The following PRKG2 variants were observed in gnomAD, a reference collection of about 807,000 sequenced individuals.
PRKG2 encodes the protein protein kinase cGMP-dependent 2.
In PRKG2, 33 loss-of-function variants were observed where a neutral mutation model predicts 97.2. The ratio of observed to expected loss-of-function variants is 0.34; its 90% CI spans 0.26 to 0.45. The LOEUF (loss-of-function observed/expected upper bound fraction) is 0.45, where lower values mean the gene tolerates loss of function less well. Ranked by LOEUF, PRKG2 falls within the 20% of genes least tolerant of loss-of-function variation. The pLI, the probability that PRKG2 is intolerant of heterozygous loss-of-function variation, is 1.00. For synonymous variants in PRKG2, 330 were observed against 321.8 expected (o/e 1.03, Z -0.27); for missense variants, 638 against 900.0 (o/e 0.71, Z 3.73).
chr4:81,124,603 G>C (rs994673885), intron 14 of PRKG2, among the ~76,000 whole-genome samples: 1 of 152,110 alleles, frequency 6.6e-6, no homozygotes, highest in African/African-American at 2.4e-5. Flanking sequence ...GGCCCACCTG[G>C]AGAAGAATTA....
intron 2 of PRKG2, among the ~76,000 whole-genome samples, chr4:81,178,869 G>A (rs1307281699): frequency 1.3e-5 from 2 of 152,188 alleles, no homozygotes; most frequent in East Asian, 1.9e-4. Context: ...CCTCACGCCT[G>A]TAATCTCAGT....
intron 15 of PRKG2, among the ~76,000 whole-genome samples, chr4:81,109,023 T>C (rs1218627140): frequency 6.6e-6 from 1 of 152,192 alleles, no homozygotes; most frequent in Non-Finnish European, 1.5e-5. Context: ...CTCTTACAAA[T>C]GCAGCTGACA....
chr4:81,153,932 G>A (rs1748688812), intron 6 of PRKG2, among the ~76,000 whole-genome samples: 1 of 152,172 alleles, frequency 6.6e-6, no homozygotes, highest in Non-Finnish European at 1.5e-5. Flanking sequence ...AGCCGAAGCA[G>A]GGCGAGGCAT....
At chr4:81,143,371 T>C (rs1747493789) in intron 10 of PRKG2, among the ~76,000 whole-genome samples, 1 of 152,214 alleles carries the variant, frequency 6.6e-6, no homozygotes, top group Non-Finnish European at 1.5e-5. Context: ...CTTTGCTGCA[T>C]GTACAGGAGA....
intron 17 of PRKG2, 58 bp from the exon 18 acceptor site, chr4:81,092,510 A>AAGGG: frequency 9.6e-7 from 1 of 1,046,988 alleles, no homozygotes; most frequent in Non-Finnish European, 1.4e-6. Flanking sequence ...GGAAGGAAGG[A>AAGGG]AGGGAGAAAG....
At chr4:81,158,242 C>T (rs2110068471) in intron 6 of PRKG2, among the ~76,000 whole-genome samples, 1 of 150,194 alleles carries the variant, frequency 6.7e-6, no homozygotes, top group Non-Finnish European at 1.5e-5. Flanking sequence ...TCTCAGGATA[C>T]AAAATCAATG....
At chr4:81,111,748 C>T (rs1347571543) in intron 14 of PRKG2, among the ~76,000 whole-genome samples, 5 of 152,128 alleles carry the variant, frequency 3.3e-5, no homozygotes, top group East Asian at 1.9e-4. Flanking sequence ...CTCATTGAAT[C>T]GAAGCAGTGT....
chr4:81,108,653 T>C (rs1743600868), intron 15 of PRKG2, among the ~76,000 whole-genome samples: 1 of 152,040 alleles, frequency 6.6e-6, no homozygotes, highest in Non-Finnish European at 1.5e-5. Flanking sequence ...TCAGCACTTT[T>C]GGAAGCTGAG....
At chr4:81,120,410 A>C (rs1042647387) in intron 14 of PRKG2, among the ~76,000 whole-genome samples, 1 of 152,214 alleles carries the variant, frequency 6.6e-6, no homozygotes, top group African/African-American at 2.4e-5. Context: ...TTTTCTTTGA[A>C]CAATACTGAG....
chr4:81,119,840 A>G (rs1744909113), intron 14 of PRKG2, among the ~76,000 whole-genome samples: 1 of 151,914 alleles, frequency 6.6e-6, no homozygotes, highest in Non-Finnish European at 1.5e-5. Flanking sequence ...ATGCCCGGCT[A>G]ATTTTTTGTA....
chr4:81,180,522 T>A (rs1347939594), intron 2 of PRKG2, among the ~76,000 whole-genome samples: 1 of 152,180 alleles, frequency 6.6e-6, no homozygotes, highest in African/African-American at 2.4e-5. Flanking sequence ...ATAAAAAACA[T>A]ATTTCTAGAA....
At chr4:81,172,705 G>T (rs1318024553) in intron 3 of PRKG2, among the ~76,000 whole-genome samples, 1 of 152,082 alleles carries the variant, frequency 6.6e-6, no homozygotes, top group Non-Finnish European at 1.5e-5. Context: ...GGAAAAAAAA[G>T]TGATGGGGTA....
chr4:81,193,063 A>G (rs2110114898), intron 2 of PRKG2: 1 of 153,244 alleles, frequency 6.5e-6, no homozygotes, highest in East Asian at 1.9e-4. Context: ...TTTCCAGGTC[A>G]AAGCATGTAT....
At position 81,183,213 on chromosome 4, in the gene PRKG2, T is replaced by C. The variant is rs146782458; in HGVS notation, c.462-8254A>G. On this transcript the variant is annotated intron_variant, in intron 2 of 18. Transcript: ENST00000264399. ...GGGAGTGGCTGGCAAGATGGCCAAATAGGAACAGCTCCAGTCTGCAGCTTC... is the reference window on the plus strand; with the variant it reads ...GGGAGTGGCTGGCAAGATGGCCAAACAGGAACAGCTCCAGTCTGCAGCTTC... 2.1e-3 allele frequency among the ~76,000 whole-genome samples: 315 copies of C among 152,094 alleles called. 1 individual carries two copies. Among genetic ancestry groups the C allele is most frequent in the African/African-American group, 5.6e-3 (234 of 41,478 alleles).
chr4:81,168,312 A>G (rs1343118640), intron 5 of PRKG2, among the ~76,000 whole-genome samples: 1 of 152,100 alleles, frequency 6.6e-6, no homozygotes, highest in Non-Finnish European at 1.5e-5. Flanking sequence ...TTATCTTGTT[A>G]ACCACTAAAT....
At chr4:81,139,037 A>C (rs1746991741) in intron 12 of PRKG2, among the ~76,000 whole-genome samples, 1 of 152,196 alleles carries the variant, frequency 6.6e-6, no homozygotes, top group African/African-American at 2.4e-5. Flanking sequence ...GAAATCACTA[A>C]AACTACACTC....
At chr4:81,135,744 T>C (rs1746624815) in intron 13 of PRKG2, among the ~76,000 whole-genome samples, 2 of 152,062 alleles carry the variant, frequency 1.3e-5, no homozygotes, top group South Asian at 4.1e-4. Flanking sequence ...CCCGTAAAAA[T>C]GGAATCATAA....
intron 2 of PRKG2, among the ~76,000 whole-genome samples, chr4:81,184,407 A>C (rs113763234): frequency 0.064 from 9,696 of 152,174 alleles, 435 homozygotes; most frequent in Middle Eastern, 0.11. Flanking sequence ...AGAGGGGCCT[A>C]TTAGAAGGAA....
chr4:81,130,785 A>AG (rs1464671124), intron 14 of PRKG2, among the ~76,000 whole-genome samples: 1 of 152,118 alleles, frequency 6.6e-6, no homozygotes. Context: ...TTACACTGTA[A>AG]GGGTAAAACT....
Sources: allele counts gnomAD v4.1 joint callset (sites outside exome capture counted in the v4.1 genomes callset), GRCh38; gene constraint gnomAD v4.1.1; transcripts MANE v1.5; gene names NCBI Gene and HGNC (gene_info 2026-07-23, HGNC 2026-07-21).